OSBPL10: variants seen among roughly 807,000 people sequenced by gnomAD.
The protein encoded by OSBPL10 is oxysterol-binding protein-related protein 10.
A neutral mutation model predicts 81.7 loss-of-function variants in OSBPL10; 49 were observed. The ratio of observed to expected loss-of-function variants is 0.60; its 90% CI spans 0.48 to 0.76. OSBPL10 has a LOEUF of 0.76. Among genes scored for constraint, OSBPL10 ranks in the 30% least tolerant of loss-of-function variants. The pLI, the probability that OSBPL10 is intolerant of heterozygous loss-of-function variation, is 0.00. For missense variants in OSBPL10, 923 were observed against 987.8 expected, an observed-to-expected ratio of 0.93 and a Z score of 0.88; for synonymous variants, 419 against 383.6, an observed-to-expected ratio of 1.09 and a Z score of -1.08.
chr3:31,826,786 G>A (rs1468273126), intron 4 of OSBPL10, among the ~76,000 whole-genome samples: 3 of 152,156 alleles, frequency 2.0e-5, no homozygotes, highest in South Asian at 4.1e-4. Context: ...TAGCTCCCAA[G>A]GTGGACCTGG....
At chr3:31,794,711 CTCTGAG>C in intron 4 of OSBPL10, 1 of 300,834 alleles carries the variant, frequency 3.3e-6, no homozygotes, top group Non-Finnish European at 6.9e-6. Flanking sequence ...CAGGTCAGGA[CTCTGAG>C]GGCAGGGGGG....
intron 6 of OSBPL10, chr3:31,711,135 G>A (rs1280555123): frequency 1.3e-5 from 2 of 152,224 alleles, no homozygotes; most frequent in South Asian, 2.1e-4. Flanking sequence ...CAGAGGTGGA[G>A]CCTCCATTCT....
chr3:31,748,563 A>G (rs1485489242), intron 4 of OSBPL10, among the ~76,000 whole-genome samples: 1 of 150,644 alleles, frequency 6.6e-6, no homozygotes, highest in African/African-American at 2.4e-5. Context: ...GAGTTCACGA[A>G]TTGGAAGGGA....
intron 1 of OSBPL10, among the ~76,000 whole-genome samples, chr3:31,927,107 T>C (rs554665090): frequency 1.1e-4 from 16 of 152,144 alleles, no homozygotes; most frequent in African/African-American, 3.6e-4. Context: ...TGAGACTCCA[T>C]CTCAACAACA....
At chr3:31,838,987 C>T (rs1430502106) in intron 3 of OSBPL10, among the ~76,000 whole-genome samples, 2 of 152,196 alleles carry the variant, frequency 1.3e-5, no homozygotes, top group African/African-American at 4.8e-5. Context: ...TTACTGCTTC[C>T]CCTCAAGGAT....
rs1331048693 is a variant in OSBPL10, at chr3:31,944,834, A to T, written c.281+36065T>A. On this transcript the variant is annotated intron_variant, in intron 1 of 11. Coordinates refer to ENST00000396556, the MANE Select transcript of OSBPL10 (RefSeq NM_017784.5). ...CAACAGAGCAAGACCCCCTCTCTTT[A>T]AAAAAAAAAAAAAAAAAAAAAAAAA... 0.027 allele frequency among the ~76,000 whole-genome samples: 322 copies of T among 11,952 alleles called. 4 individuals carry two copies. In the African/African-American group the frequency reaches 0.28, roughly 10 times the overall value. 7.8% of individuals were successfully genotyped at this position (11,952 alleles called of 152,430 possible).
intron 1 of OSBPL10, among the ~76,000 whole-genome samples, chr3:31,895,134 C>CTTTTT (rs10529845): frequency 1.6e-5 from 2 of 124,894 alleles, no homozygotes; most frequent in South Asian, 2.8e-4. Flanking sequence ...TCTCTGCGGC[C>CTTTTT]TTTTTTTTTT....
chr3:31,763,180 G>T (rs555495116), intron 4 of OSBPL10, among the ~76,000 whole-genome samples: 12 of 152,330 alleles, frequency 7.9e-5, no homozygotes, highest in African/African-American at 2.9e-4. Flanking sequence ...TTTCATTCAA[G>T]TGTTTACATT....
At chr3:31,942,529 C>A (rs1697567222) in intron 1 of OSBPL10, among the ~76,000 whole-genome samples, 2 of 96,770 alleles carry the variant, frequency 2.1e-5, no homozygotes, top group Admixed American at 1.3e-4. Flanking sequence ...GGTGAGACTC[C>A]ATCTCAAAAA....
rs138929874 is a variant in OSBPL10, at chr3:31,829,008, G to A, written c.729+1032C>T. On this transcript the variant is annotated intron_variant, in intron 4 of 11. Transcript: ENST00000396556. The stretch of plus-strand genomic sequence containing the variant: ...TCATATGCATCTACAGATTTGATTC[G>A]GATTTCAGACTGTCCTTCCTGGGCC... Among the ~76,000 whole-genome samples, 1,193 of 152,150 alleles carry A rather than the reference G, an allele frequency of 7.8e-3. 19 individuals carry two copies. The highest frequency in any genetic ancestry group is 0.028 in the African/African-American group (1,147 of 41,496).
At chr3:31,827,056 G>C (rs553855735) in intron 4 of OSBPL10, among the ~76,000 whole-genome samples, 3 of 152,222 alleles carry the variant, frequency 2.0e-5, no homozygotes, top group African/African-American at 7.2e-5. Context: ...CAAACCAAAT[G>C]GCTATAGAGG....
intron 3 of OSBPL10, among the ~76,000 whole-genome samples, chr3:31,848,699 T>A (rs1488072229): frequency 6.6e-6 from 1 of 152,162 alleles, no homozygotes; most frequent in African/African-American, 2.4e-5. Context: ...ACAGAACAGC[T>A]GAAAAAGCAT....
rs181914221 is a variant in OSBPL10, at chr3:32,071,714, A to G, written n.185+5682T>C. Among the ~76,000 whole-genome samples, 1,049 of 152,316 alleles carry G rather than the reference A, an allele frequency of 6.9e-3. 5 individuals are homozygous for G. The highest frequency in any genetic ancestry group is 0.024 in the African/African-American group (1,004 of 41,552). On this transcript the variant is annotated intron_variant and non_coding_transcript_variant, in intron 1 of 3. Coordinates refer to the OSBPL10 transcript ENST00000479173. ...ATCTATTTTCTTCCTCACACCTGAC[A>G]CATATACTTTCTGCTCCCCGGCTCC...
At chr3:31,980,404 T>A (rs977365021) in intron 1 of OSBPL10, among the ~76,000 whole-genome samples, 1 of 152,006 alleles carries the variant, frequency 6.6e-6, no homozygotes, top group African/African-American at 2.4e-5. Context: ...AAGTGGCAGG[T>A]TTTTTGTTGA....
At chr3:31,895,207 C>G (rs1354902163) in intron 1 of OSBPL10, among the ~76,000 whole-genome samples, 5 of 138,854 alleles carry the variant, frequency 3.6e-5, no homozygotes, top group Non-Finnish European at 6.1e-5. Context: ...GATCTCGGTT[C>G]ACTGCTAGCT....
At chr3:31,969,829 T>C (rs1248122956) in intron 1 of OSBPL10, among the ~76,000 whole-genome samples, 2 of 146,236 alleles carry the variant, frequency 1.4e-5, no homozygotes, top group Non-Finnish European at 3.0e-5. Flanking sequence ...CACTCCAGCC[T>C]GGGCGACAAA....
Position 31,683,727 on chromosome 3 carries a change from C to G in OSBPL10, c.1633G>C (p.Glu545Gln). The part of the protein sequence containing the change: ...HHPPISCFYC[E>Q]CEEKRLCVNT... ...ACGCACAGTCTCTTCTCCTCGCACT[C>G]ACAGTAGAAGCAGGAGATGGGTGGG... The change falls in exon 8 of 12, where the codon GAG becomes CAG. Residue 545 changes from glutamate to glutamine, a missense_variant. Around this residue, in one of 3 missense-constraint regions of OSBPL10, gnomAD observed 387 missense variants for 436.3 expected, o/e 0.89. Transcript: ENST00000396556. 2 of 1,614,224 alleles carry G rather than the reference C, an allele frequency of 1.2e-6. No homozygotes were observed. Among genetic ancestry groups the G allele is most frequent in the Non-Finnish European group, 1.7e-6 (2 of 1,180,042 alleles).
At chr3:32,069,489 C>T (rs1170389612) in intron 1 of OSBPL10, among the ~76,000 whole-genome samples, 1 of 152,140 alleles carries the variant, frequency 6.6e-6, no homozygotes, top group Admixed American at 6.5e-5. Context: ...AAGAAACTAC[C>T]CAAGGTAAAG....
At chr3:31,939,236 CCAGGTTCAAA>C (rs1697471056) in intron 1 of OSBPL10, among the ~76,000 whole-genome samples, 1 of 151,422 alleles carries the variant, frequency 6.6e-6, no homozygotes, top group South Asian at 2.1e-4. Flanking sequence ...CCTCCACCTC[CCAGGTTCAAA>C]CGATTCTCCT....
Sources: gnomAD v4.1 joint callset for allele counts (sites outside exome capture counted in the v4.1 genomes callset) on GRCh38, gnomAD v4.1.1 for gene constraint, gnomAD v4.1.1 regional missense constraint, MANE v1.5 for transcripts, NCBI Gene and HGNC (gene_info 2026-07-23, HGNC 2026-07-21) for gene names.